The following EPB41 variants were observed in gnomAD, a reference collection of about 807,000 sequenced individuals.
EPB41 encodes the protein erythrocyte membrane protein band 4.1, also known as protein 4.1.
In EPB41, 65 loss-of-function variants were observed where a neutral mutation model predicts 108.0. The observed-to-expected ratio is 0.60, with a 90% confidence interval of 0.49 to 0.74. The LOEUF (loss-of-function observed/expected upper bound fraction) is 0.74. EPB41 is among the 30% of genes least tolerant of loss of function. The pLI is 0.00. For synonymous variants in EPB41, 336 were observed against 358.9 expected, an observed-to-expected ratio of 0.94 and a Z score of 0.72; for missense variants, 875 against 1,037.0, an observed-to-expected ratio of 0.84 and a Z score of 2.15.
At chr1:28,917,311 T>G (rs1331537484) in intron 1 of EPB41, among the ~76,000 whole-genome samples, 1 of 149,782 alleles carries the variant, frequency 6.7e-6, no homozygotes, top group Non-Finnish European at 1.5e-5. Flanking sequence ...GATGGAGTCT[T>G]ACTCTGTCAC....
At chr1:29,114,532 A>G (rs1036728793) in intron 19 of EPB41, among the ~76,000 whole-genome samples, 17 of 151,240 alleles carry the variant, frequency 1.1e-4, no homozygotes, top group African/African-American at 3.2e-4. Context: ...AACCCCAGCT[A>G]CTTGGGAGGC....
At chr1:28,963,627 T>C (rs1231670374) in intron 1 of EPB41, among the ~76,000 whole-genome samples, 1 of 152,188 alleles carries the variant, frequency 6.6e-6, no homozygotes, top group East Asian at 1.9e-4. Flanking sequence ...GGAACATTTC[T>C]GAGGAAAGGG....
intron 11 of EPB41, among the ~76,000 whole-genome samples, chr1:29,040,187 G>A (rs1292669974): frequency 2.6e-5 from 4 of 152,002 alleles, no homozygotes; most frequent in African/African-American, 7.2e-5. Context: ...GTGAGACTCT[G>A]TCTCTAAAAA....
chr1:29,015,608 A>T, intron 5 of EPB41, 84 bp from the exon 6 acceptor site: 1 of 864,506 alleles, frequency 1.2e-6, no homozygotes, highest in Non-Finnish European at 1.9e-6. Context: ...AAAGAAAAAG[A>T]GAAATGTTTG....
At chr1:28,985,120 T>C (rs1273950281) in intron 1 of EPB41, among the ~76,000 whole-genome samples, 1 of 152,052 alleles carries the variant, frequency 6.6e-6, no homozygotes, top group African/African-American at 2.4e-5. Context: ...CCTGCCACCA[T>C]GCCCGGCTAA....
chr1:28,997,358 A>T (rs764009856), intron 4 of EPB41, 39 bp downstream of exon 4: 5 of 1,203,846 alleles, frequency 4.2e-6, no homozygotes, highest in Non-Finnish European at 6.2e-6. Context: ...CTGACAAAAA[A>T]TTTATTTTAA....
intron 3 of EPB41, 135 bp from the exon 4 acceptor site, chr1:28,997,080 A>C (rs2096197409): frequency 7.0e-6 from 5 of 716,020 alleles, no homozygotes; most frequent in Non-Finnish European, 2.6e-6. Flanking sequence ...TGAGCCCAGG[A>C]GGTTGAGGCT....
At chr1:28,941,404 G>A (rs972198999) in intron 1 of EPB41, among the ~76,000 whole-genome samples, 3 of 151,892 alleles carry the variant, frequency 2.0e-5, no homozygotes, top group Non-Finnish European at 4.4e-5. Context: ...CAATAATGGG[G>A]AAAAATGAGG....
intron 1 of EPB41, among the ~76,000 whole-genome samples, chr1:28,923,111 CTTT>C (rs1226949675): frequency 0.01 from 629 of 60,562 alleles, 2 homozygotes; most frequent in African/African-American, 0.059. Flanking sequence ...CTTTTCTTTT[CTTT>C]TTTTTTTTTT....
intron 7 of EPB41, among the ~76,000 whole-genome samples, chr1:29,025,531 C>T (rs1007617711): frequency 3.3e-5 from 5 of 151,772 alleles, no homozygotes; most frequent in African/African-American, 1.2e-4. Flanking sequence ...TTATGACGCT[C>T]AAAGGTCTTG....
intron 1 of EPB41, among the ~76,000 whole-genome samples, chr1:28,917,266 G>GTGTT (rs2092748793): frequency 6.6e-6 from 1 of 151,446 alleles, no homozygotes; most frequent in African/African-American, 2.4e-5. Flanking sequence ...GTGTGTGTGT[G>GTGTT]TATGTGTGTG....
chr1:28,956,357 T>G (rs990099754), intron 1 of EPB41, among the ~76,000 whole-genome samples: 2 of 152,236 alleles, frequency 1.3e-5, no homozygotes, highest in African/African-American at 4.8e-5. Flanking sequence ...GAACTGGGCT[T>G]TGCTGTTTTA....
intron 1 of EPB41, among the ~76,000 whole-genome samples, chr1:28,925,891 G>A (rs972450660): frequency 1.3e-5 from 2 of 152,252 alleles, no homozygotes; most frequent in Non-Finnish European, 2.9e-5. Context: ...TTTAGTACAT[G>A]TTAAGTGAGC....
intron 11 of EPB41, chr1:29,041,303 A>C (rs1641458811): frequency 6.6e-6 from 1 of 151,016 alleles, no homozygotes; most frequent in Non-Finnish European, 1.5e-5. Context: ...AACAGGGCGC[A>C]ACCCTGCCTC....
At chr1:29,027,855 G>A (rs933702489) in intron 7 of EPB41, among the ~76,000 whole-genome samples, 21 of 151,222 alleles carry the variant, frequency 1.4e-4, no homozygotes, top group African/African-American at 5.1e-4. Flanking sequence ...ACGGAGTTTC[G>A]CTCTTGTTGC....
rs76497715 is a variant in EPB41, at chr1:29,082,557, T to A, written c.2185-15250T>A. Among the ~76,000 whole-genome samples, 124 of 152,348 alleles carry A rather than the reference T, an allele frequency of 8.1e-4. No homozygotes were observed. The East Asian group carries it at 0.021, about 26-fold the overall frequency. ...TGTTCCATTCTAACTTCAGAGTTTT[T>A]GTACTGGTCATAGCTCCTTTTTCTC... On this transcript the variant is annotated intron_variant, in intron 16 of 20. Transcript: ENST00000343067.
At chr1:29,050,291 C>T (rs993700491) in intron 11 of EPB41, among the ~76,000 whole-genome samples, 2 of 152,174 alleles carry the variant, frequency 1.3e-5, no homozygotes, top group African/African-American at 4.8e-5. Flanking sequence ...TTTCCACATA[C>T]AGTACAGATT....
intron 17 of EPB41, among the ~76,000 whole-genome samples, chr1:29,102,744 C>T (rs969632655): frequency 4.0e-5 from 6 of 151,850 alleles, no homozygotes; most frequent in Non-Finnish European, 5.9e-5. Context: ...CATGCCACCA[C>T]ACCTGGCTAA....
At chr1:28,900,711 T>A (rs540318170) in intron 1 of EPB41, among the ~76,000 whole-genome samples, 8 of 152,266 alleles carry the variant, frequency 5.3e-5, no homozygotes, top group African/African-American at 1.9e-4. Context: ...CTAGTCTGTC[T>A]GTGTCTGATT....
Sources: gnomAD v4.1 joint callset for allele counts (sites outside exome capture counted in the v4.1 genomes callset) on GRCh38, gnomAD v4.1.1 for gene constraint, MANE v1.5 for transcripts, NCBI Gene and HGNC (gene_info 2026-07-23, HGNC 2026-07-21) for gene names.